Variants in NCAM2 observed in about 807,000 individuals in gnomAD.
The protein encoded by NCAM2 is N-CAM-2.
NCAM2 carries 30 observed loss-of-function variants against 98.1 expected under a neutral mutation model. The observed-to-expected ratio is 0.31, with a 90% CI of 0.23 to 0.41. The LOEUF (loss-of-function observed/expected upper bound fraction) is 0.41. Ranked by LOEUF, NCAM2 falls within the 10% of genes least tolerant of loss-of-function variation. The pLI is 1.00. For synonymous variants in NCAM2, 368 were observed against 342.4 expected (o/e 1.07, Z -0.83); for missense variants, 867 against 1,005.8 (o/e 0.86, Z 1.87).
At chr21:21,332,733 C>T (rs2074749925) in intron 6 of NCAM2, among the ~76,000 whole-genome samples, 1 of 152,160 alleles carries the variant, frequency 6.6e-6, no homozygotes. Context: ...AACCCAGATA[C>T]ATTGCCTGAC....
intron 1 of NCAM2, among the ~76,000 whole-genome samples, chr21:21,036,805 CTGCCCTCAGAA>C (rs1195792936): frequency 6.6e-6 from 1 of 152,140 alleles, no homozygotes; most frequent in East Asian, 1.9e-4. Context: ...AATTTCAAAG[CTGCCCTCAGAA>C]AGAATAGATG....
chr21:21,214,740 T>TTCC (rs1568780151), intron 1 of NCAM2, among the ~76,000 whole-genome samples: 5 of 101,158 alleles, frequency 4.9e-5, no homozygotes, highest in Admixed American at 1.2e-4. Context: ...TATATATATA[T>TTCC]ATATATACAC....
intron 1 of NCAM2, among the ~76,000 whole-genome samples, chr21:21,087,091 T>C (rs183018977): frequency 6.6e-6 from 1 of 152,164 alleles, no homozygotes; most frequent in East Asian, 1.9e-4. Context: ...TGTGTGTGTG[T>C]GTGTGTTGTG....
intron 16 of NCAM2, among the ~76,000 whole-genome samples, chr21:21,527,782 AT>A (rs1010017347): frequency 6.6e-6 from 1 of 152,194 alleles, no homozygotes; most frequent in Non-Finnish European, 1.5e-5. Flanking sequence ...GTGGAAGACA[AT>A]TTAGCAGCTT....
chr21:21,259,140 G>A (rs2071791576), intron 1 of NCAM2, among the ~76,000 whole-genome samples: 1 of 152,118 alleles, frequency 6.6e-6, no homozygotes, highest in Non-Finnish European at 1.5e-5. Flanking sequence ...AAATGAGGAT[G>A]TGCAGCTTGG....
intron 1 of NCAM2, among the ~76,000 whole-genome samples, chr21:21,152,708 A>G (rs1222252381): frequency 6.6e-6 from 1 of 151,874 alleles, no homozygotes; most frequent in East Asian, 1.9e-4. Context: ...ACTCTGCCTT[A>G]ATGGAACTTG....
chr21:21,433,384 A>G (rs1237799276), intron 12 of NCAM2, among the ~76,000 whole-genome samples: 1 of 152,110 alleles, frequency 6.6e-6, no homozygotes, highest in Non-Finnish European at 1.5e-5. Flanking sequence ...TTTTTAAAAA[A>G]TTATTAACCT....
intron 1 of NCAM2, among the ~76,000 whole-genome samples, chr21:21,161,664 GTGTC>G (rs2067790305): frequency 6.6e-6 from 1 of 151,770 alleles, no homozygotes; most frequent in South Asian, 2.1e-4. Context: ...GCAATATCCT[GTGTC>G]TGTCCTATTA....
Position 21,512,058 on chromosome 21 carries a change from T to C in NCAM2, c.2282+3003T>C, listed in dbSNP as rs139194710. ...CCTATTCTGTGGGTTGTCACTTCAC[T>C]TTGTTAATTGTTTCCTTTAGTGTTC... On this transcript the variant is annotated intron_variant, in intron 16 of 17. Coordinates refer to ENST00000400546, the MANE Select transcript of NCAM2 (RefSeq NM_004540.5). Among the ~76,000 whole-genome samples the C allele has an allele frequency of 3.6e-4, 54 of 152,110 alleles. No individual in the cohort carries two copies. In the East Asian group the frequency reaches 9.1e-3, roughly 26 times the overall value.
chr21:21,410,445 G>A lies in NCAM2; in HGVS notation c.1367G>A (p.Arg456Lys). The change falls in exon 10 of 18, where the codon AGA (arginine) becomes AAA (lysine). Residue 456 changes from arginine to lysine, a missense_variant. Transcript: ENST00000400546. ...TTNLKTYSTG[R>K]KMILEIAPTS... Reference sequence around the variant, plus strand: ...AATTTAAAGACTTATAGTACAGGAAGAAAGATGATATTAGAGGTAAGTCCA... The same window carrying A: ...AATTTAAAGACTTATAGTACAGGAAAAAAGATGATATTAGAGGTAAGTCCA... 6.4e-7 allele frequency: 1 copy of A among 1,552,460 alleles called. No individual in the cohort carries two copies. The highest frequency in any genetic ancestry group is 8.7e-7 in the Non-Finnish European group (1 of 1,150,060).
intron 1 of NCAM2, among the ~76,000 whole-genome samples, chr21:21,149,920 G>A (rs1049702510): frequency 2.0e-5 from 3 of 152,026 alleles, no homozygotes; most frequent in African/African-American, 4.8e-5. Flanking sequence ...TAATCCTTTG[G>A]GTATATAGCC....
Position 21,408,826 on chromosome 21 carries a change from C to T in NCAM2, c.1196-1448C>T, listed in dbSNP as rs187420083. ...GAAATGATTCAGTAAGCATTTCAGA[C>T]TTGTATGTGAGATTGTCATTAAAAA... On this transcript the variant is annotated intron_variant, in intron 9 of 17. Coordinates refer to ENST00000400546, the MANE Select transcript of NCAM2 (RefSeq NM_004540.5). 4.6e-3 allele frequency among the ~76,000 whole-genome samples: 697 copies of T among 151,768 alleles called. 2 individuals are homozygous for T. The highest frequency in any genetic ancestry group is 8.2e-3 in the Non-Finnish European group (554 of 67,872).
chr21:21,306,089 A>T (rs145186800), intron 5 of NCAM2, among the ~76,000 whole-genome samples: 1 of 152,164 alleles, frequency 6.6e-6, no homozygotes, highest in African/African-American at 2.4e-5. Flanking sequence ...ATTTGATTCT[A>T]ATGAGGTCAG....
intron 15 of NCAM2, among the ~76,000 whole-genome samples, chr21:21,507,485 C>T (rs1278156794): frequency 1.3e-5 from 2 of 151,992 alleles, no homozygotes; most frequent in Non-Finnish European, 2.9e-5. Context: ...GTAATAAATG[C>T]ATTTTGTCAT....
At chr21:21,368,943 A>G (rs1165177033) in intron 8 of NCAM2, among the ~76,000 whole-genome samples, 2 of 151,792 alleles carry the variant, frequency 1.3e-5, no homozygotes, top group African/African-American at 4.8e-5. Flanking sequence ...ATAACCTTCA[A>G]CTGATATTTA....
chr21:21,253,672 A>G (rs982037204), intron 1 of NCAM2, among the ~76,000 whole-genome samples: 2 of 152,228 alleles, frequency 1.3e-5, no homozygotes, highest in African/African-American at 2.4e-5. Context: ...AATTTGTTAT[A>G]GCAGGCCAAA....
chr21:21,369,247 C>T (rs563317789), intron 8 of NCAM2, among the ~76,000 whole-genome samples: 2 of 151,860 alleles, frequency 1.3e-5, no homozygotes, highest in Admixed American at 1.3e-4. Context: ...CAGCTTTTTC[C>T]TCTTACTGTA....
At chr21:21,075,503 G>T (rs905901843) in intron 1 of NCAM2, among the ~76,000 whole-genome samples, 1 of 152,050 alleles carries the variant, frequency 6.6e-6, no homozygotes, top group Non-Finnish European at 1.5e-5. Context: ...ACATTGAATA[G>T]AAATGGCGAG....
intron 11 of NCAM2, among the ~76,000 whole-genome samples, chr21:21,427,610 A>C (rs542897985): frequency 6.6e-6 from 1 of 152,276 alleles, no homozygotes; most frequent in African/African-American, 2.4e-5. Flanking sequence ...AAGATGTTGG[A>C]CAAAGATTAA....
Sources: gnomAD v4.1 joint callset for allele counts (sites outside exome capture counted in the v4.1 genomes callset) on GRCh38, gnomAD v4.1.1 for gene constraint, MANE v1.5 for transcripts, NCBI Gene and HGNC (gene_info 2026-07-23, HGNC 2026-07-21) for gene names.